SLC25A39: variants seen among roughly 807,000 people sequenced by gnomAD.
The protein encoded by SLC25A39 is solute carrier family 25 member 39, also known as mitochondrial glutathione transporter SLC25A39.
In SLC25A39, 44 loss-of-function variants were observed where a neutral mutation model predicts 46.6. The observed-to-expected ratio is 0.94, with a 90% confidence interval of 0.74 to 1.21. SLC25A39 has a LOEUF of 1.21. SLC25A39 is among the 50% of genes most tolerant of loss of function. SLC25A39 has a pLI of 0.00. For synonymous variants in SLC25A39, 218 were observed against 190.6 expected (o/e 1.14, Z -1.19); for missense variants, 487 against 473.0 (o/e 1.03, Z -0.28).
chr17:44,322,043 G>C (rs1360738328), intron 5 of SLC25A39, among the ~76,000 whole-genome samples: 1 of 152,236 alleles, frequency 6.6e-6, no homozygotes, highest in Non-Finnish European at 1.5e-5. Flanking sequence ...TGAGGCAGGA[G>C]TTCGAGACCA....
chr17:44,322,952 T>C, intron 3 of SLC25A39, 100 bp from the exon 4 acceptor site: 1 of 1,324,040 alleles, frequency 7.6e-7, no homozygotes, highest in Non-Finnish European at 1.1e-6. Context: ...AGATGGAGTC[T>C]TGCTCTGTCG....
chr17:44,323,434 G>GGCCCCCCCCCCCCCCCCCCC, intron 2 of SLC25A39, 44 bp downstream of exon 2: 4 of 1,367,820 alleles, frequency 2.9e-6, no homozygotes, highest in Non-Finnish European at 3.0e-6. Context: ...TCTCCGGTCT[G>GGCCCCCCCCCCCCCCCCCCC]CCCCATCCCC....
intron 7 of SLC25A39, 44 bp downstream of exon 7, chr17:44,321,390 G>A (rs1054922802): frequency 3.1e-6 from 5 of 1,612,714 alleles, no homozygotes; most frequent in Non-Finnish European, 3.4e-6. Flanking sequence ...GGTTTGGGCC[G>A]AGGTGGGGAC....
chr17:44,321,228 C>T lies in SLC25A39; in HGVS notation c.521G>A (p.Gly174Asp). The change falls in exon 8 of 12, where the codon GGC becomes GAC. Residue 174 changes from glycine to aspartate, a missense_variant. Coordinates refer to ENST00000377095, the MANE Select transcript of SLC25A39 (RefSeq NM_001143780.3). ...CAGGGGGCTGATCACAGTCACGGTGCCCACTGTGTGGGGATTGGGGGTGAC... is the reference window on the plus strand; with the variant it reads ...CAGGGGGCTGATCACAGTCACGGTGTCCACTGTGTGGGGATTGGGGGTGAC... ...PMVAGALARL[G>D]TVTVISPLEL... 1 of 1,604,778 alleles carries T rather than the reference C, an allele frequency of 6.2e-7. No homozygotes were observed. The highest frequency in any genetic ancestry group is 8.5e-7 in the Non-Finnish European group (1 of 1,175,420).
Position 44,321,237 on chromosome 17 carries a change from T to G in SLC25A39, c.518-6A>C. 2 of 1,601,182 alleles carry G rather than the reference T, an allele frequency of 1.2e-6. No individual in the cohort carries two copies. The highest frequency in any genetic ancestry group is 1.7e-6 in the Non-Finnish European group (2 of 1,173,338). ...GATCACAGTCACGGTGCCCACTGTG[T>G]GGGGATTGGGGGTGACAATGGGGAG... is the stretch of plus-strand genomic sequence containing the variant. On this transcript the variant is annotated splice_region_variant and splice_polypyrimidine_tract_variant and intron_variant, in intron 7 of 11. Coordinates refer to ENST00000377095, the MANE Select transcript of SLC25A39 (RefSeq NM_001143780.3).
Position 44,320,736 on chromosome 17 carries a change from G to C in SLC25A39, c.692-5C>G. 6.2e-7 allele frequency: 1 copy of C among 1,609,692 alleles called. No individual in the cohort carries two copies. The highest frequency in any genetic ancestry group is 8.5e-7 in the Non-Finnish European group (1 of 1,176,330). On this transcript the variant is annotated splice_region_variant and splice_polypyrimidine_tract_variant and intron_variant, in intron 8 of 11. Transcript: ENST00000377095. ...CATAGTTGAACCAGTACAGGGCTTG[G>C]GGTGGGGGATGCACTGATTAGAGAC...
At chr17:44,320,564 C>G in intron 9 of SLC25A39, 58 bp downstream of exon 9, 1 of 1,586,370 alleles carries the variant, frequency 6.3e-7, no homozygotes. Flanking sequence ...CTCCAAAAAT[C>G]CTCAGGCCCC....
In SLC25A39 at chr17:44,319,941, G is replaced by T; in HGVS notation, c.*60C>A. ...TGCTGAGGAAAAGGCACTTGGCTGG[G>T]TCTCCTCCTGCCCTCTCCCCATCCG... On this transcript the variant is annotated 3_prime_UTR_variant, in exon 12 of 12. Coordinates refer to ENST00000377095, the MANE Select transcript of SLC25A39 (RefSeq NM_001143780.3). 1 of 1,539,380 alleles carries T rather than the reference G, an allele frequency of 6.5e-7. No homozygotes were observed. The highest frequency in any genetic ancestry group is 9.0e-7 in the Non-Finnish European group (1 of 1,115,120).
intron 9 of SLC25A39, 62 bp from the exon 10 acceptor site, chr17:44,320,498 A>T: frequency 6.2e-7 from 1 of 1,602,894 alleles, no homozygotes. Flanking sequence ...CCTACCTCCC[A>T]GATGGCTCTT....
intron 2 of SLC25A39, 39 bp downstream of exon 2, chr17:44,323,439 A>AGACCCCCC: frequency 1.2e-5 from 3 of 257,100 alleles, no homozygotes; most frequent in Non-Finnish European, 1.1e-5. Context: ...GGTCTGCCCC[A>AGACCCCCC]TCCCCACCCG....
intron 6 of SLC25A39, 66 bp downstream of exon 6, chr17:44,321,634 C>A: frequency 6.2e-7 from 1 of 1,607,112 alleles, no homozygotes; most frequent in Non-Finnish European, 8.5e-7. Context: ...CCCCACCTAG[C>A]CATTCAACAG....
chr17:44,320,070 C>G lies in SLC25A39; in HGVS notation c.1011G>C (p.Met337Ile), dbSNP rs751754135. The G allele has an allele frequency of 1.2e-6, 2 of 1,614,062 alleles. No individual in the cohort carries two copies. The highest frequency in any genetic ancestry group is 2.2e-5 in the South Asian group (2 of 91,076). The stretch of plus-strand genomic sequence containing the variant: ...TTTTGCCGAACTCATAGGTGCTGAT[C>G]ATGATGGCACAGGAGGGGGCAGCCT... The part of the protein sequence containing the change: ...IIKAAPSCAI[M>I]ISTYEFGKSF... Residue 337 changes from methionine to isoleucine, a missense_variant, in exon 12 of 12, where the codon ATG becomes ATC. Transcript: ENST00000377095.
chr17:44,321,857 C>T, intron 5 of SLC25A39, 90 bp from the exon 6 acceptor site: 1 of 1,350,032 alleles, frequency 7.4e-7, no homozygotes, highest in Middle Eastern at 2.6e-4. Flanking sequence ...TTGCCTGACG[C>T]CCTCAGCCTC....
In SLC25A39 at chr17:44,322,543, G is replaced by C. The variant is rs1456811702; in HGVS notation, c.200C>G (p.Ser67Cys). 8.7e-6 allele frequency: 14 copies of C among 1,613,990 alleles called. No homozygotes were observed. The highest frequency in any genetic ancestry group is 2.7e-5 in the African/African-American group (2 of 74,924). The change falls in exon 5 of 12, where the codon TCT (serine) becomes TGT (cysteine). Residue 67 changes from serine (S) to cysteine (C), a missense_variant. Ser to Cys is a moderately radical substitution (Grantham distance 112, BLOSUM62 -1). Transcript: ENST00000377095. ...GAGGCACTTCCCTGTGGATTGGAGAGAGGAGGGCACTGGGGAAAGGCAGGG... is the reference window on the plus strand; with the variant it reads ...GAGGCACTTCCCTGTGGATTGGAGACAGGAGGGCACTGGGGAAAGGCAGGG... ...WSLSYTKLPS[S>C]LQSTGKCLLY...
rs986551879 is a variant in SLC25A39 at position 44,319,816 on chromosome 17, G to A, written c.*185C>T. ...GATGATCCCCACGACTGGAGCAGCAGGAAGAAGTTGTGTCTGAGGAAGTGC... is the reference window on the plus strand; with the variant it reads ...GATGATCCCCACGACTGGAGCAGCAAGAAGAAGTTGTGTCTGAGGAAGTGC... On this transcript the variant is annotated 3_prime_UTR_variant, in exon 12 of 12. Transcript: ENST00000377095. The A allele has an allele frequency of 1.5e-5, 9 of 592,160 alleles. No homozygotes were observed. The highest frequency in any genetic ancestry group is 2.8e-5 in the East Asian group (1 of 35,194). The allele number at this position is 592,160 out of a possible 1,614,324, so 36.7% of individuals were successfully genotyped here.
Position 44,321,426 on chromosome 17 carries a change from A to G in SLC25A39, c.517+8T>C, listed in dbSNP as rs2048030798. The G allele has an allele frequency of 1.9e-6, 3 of 1,613,662 alleles. No homozygotes were observed. Among genetic ancestry groups the G allele is most frequent in the Non-Finnish European group, 2.5e-6 (3 of 1,179,894 alleles). On this transcript the variant is annotated splice_region_variant and intron_variant, in intron 7 of 11. Coordinates refer to ENST00000377095, the MANE Select transcript of SLC25A39 (RefSeq NM_001143780.3). Reference sequence around the variant, plus strand: ...AGAGGGAGGTCAAAGGCCCAAGACTATGCTCACGGCGGGCCAGCGCGCCAG... The same window carrying G: ...AGAGGGAGGTCAAAGGCCCAAGACTGTGCTCACGGCGGGCCAGCGCGCCAG...
At chr17:44,323,206 A>T in intron 3 of SLC25A39, 78 bp downstream of exon 3, 1 of 1,561,220 alleles carries the variant, frequency 6.4e-7, no homozygotes, top group Non-Finnish European at 8.8e-7. Flanking sequence ...TACAGGTATG[A>T]GAAACCACGG....
At position 44,323,554 on chromosome 17, in the gene SLC25A39, G is replaced by C; in HGVS notation, c.9C>G (p.Asp3Glu). The C allele has an allele frequency of 6.4e-7, 1 of 1,571,278 alleles. No homozygotes were observed. The highest frequency in any genetic ancestry group is 8.6e-7 in the Non-Finnish European group (1 of 1,158,412). ...GGGGGCTGATGCCCGCAGGGTCCTGGTCAGCCATCTTGAAGCTTCAGTCCT... is the reference window on the plus strand; with the variant it reads ...GGGGGCTGATGCCCGCAGGGTCCTGCTCAGCCATCTTGAAGCTTCAGTCCT... MA[D>E]QDPAGISPLQ... Residue 3 changes from aspartate to glutamate, a missense_variant, in exon 2 of 12, where the codon GAC (aspartate) becomes GAG (glutamate). Transcript: ENST00000377095.
At position 44,319,712 on chromosome 17, in the gene SLC25A39, T is replaced by C. The variant is rs536956957; in HGVS notation, c.*289A>G. 3.3e-4 allele frequency: 141 copies of C among 429,828 alleles called. No homozygotes were observed. The highest frequency in any genetic ancestry group is 5.3e-4 in the Non-Finnish European group (123 of 230,144). 26.6% of individuals were successfully genotyped at this position (429,828 alleles called of 1,614,324 possible). On this transcript the variant is annotated 3_prime_UTR_variant, in exon 12 of 12. Coordinates refer to ENST00000377095, the MANE Select transcript of SLC25A39 (RefSeq NM_001143780.3). The stretch of plus-strand genomic sequence containing the variant: ...GAGGGCTTCTTGGTTCCTGGAGACA[T>C]GCCCAGCTACAGCAAACACAGGGAA...
Sources: gnomAD v4.1 joint callset for allele counts (sites outside exome capture counted in the v4.1 genomes callset) on GRCh38, gnomAD v4.1.1 for gene constraint, MANE v1.5 for transcripts, NCBI Gene and HGNC (gene_info 2026-07-23, HGNC 2026-07-21) for gene names.